Variants in NTN4 observed in about 807,000 individuals in gnomAD.
NTN4 encodes netrin 4.
Under a neutral mutation model 73.6 loss-of-function variants are expected in NTN4, and 32 were observed. That is an observed-to-expected ratio of 0.44 (90% CI 0.33 to 0.58). The LOEUF is 0.58. NTN4 is among the 20% of genes least tolerant of loss of function. The pLI, the probability that NTN4 is intolerant of heterozygous loss-of-function variation, is 0.04. For synonymous variants in NTN4, 258 were observed against 287.5 expected (o/e 0.90, Z 1.04); for missense variants, 654 against 798.3 (o/e 0.82, Z 2.18).
At chr12:95,695,057 G>A (rs2078430660) in intron 5 of NTN4, among the ~76,000 whole-genome samples, 2 of 152,010 alleles carry the variant, frequency 1.3e-5, no homozygotes, top group African/African-American at 2.4e-5. Context: ...GAACCTGGGA[G>A]GTGAAGGTTG....
At chr12:95,660,747 C>T (rs1001752105) in intron 9 of NTN4, among the ~76,000 whole-genome samples, 10 of 151,920 alleles carry the variant, frequency 6.6e-5, no homozygotes, top group Non-Finnish European at 8.8e-5. Context: ...CTTTTAAAAA[C>T]GAAATTAAGT....
chr12:95,696,776 A>C (rs2078445515), intron 5 of NTN4, among the ~76,000 whole-genome samples: 1 of 152,194 alleles, frequency 6.6e-6, no homozygotes, highest in Non-Finnish European at 1.5e-5. Context: ...GGTAAACTCA[A>C]ATGGTCAAAA....
intron 2 of NTN4, among the ~76,000 whole-genome samples, chr12:95,742,417 T>C (rs2078833439): frequency 6.6e-6 from 1 of 150,506 alleles, no homozygotes; most frequent in East Asian, 1.9e-4. Context: ...GAGATGAAAA[T>C]TTAAACAGAG....
chr12:95,742,128 A>G (rs1407599814), intron 2 of NTN4, among the ~76,000 whole-genome samples: 3 of 152,090 alleles, frequency 2.0e-5, no homozygotes, highest in African/African-American at 7.2e-5. Flanking sequence ...AATCCATACA[A>G]AGTCCTGAAC....
At chr12:95,713,573 A>T (rs76801332) in intron 3 of NTN4, among the ~76,000 whole-genome samples, 216 of 152,372 alleles carry the variant, frequency 1.4e-3, no homozygotes, top group African/African-American at 5.0e-3. Context: ...ATGACCCTAT[A>T]GAGCAATTCT....
chr12:95,679,005 G>C (rs1258504025), intron 7 of NTN4, among the ~76,000 whole-genome samples: 2 of 152,146 alleles, frequency 1.3e-5, no homozygotes, highest in Non-Finnish European at 2.9e-5. Context: ...TTGGAGAAAA[G>C]TGACAAATGC....
chr12:95,684,461 G>A (rs773429908), intron 5 of NTN4, among the ~76,000 whole-genome samples: 1 of 151,014 alleles, frequency 6.6e-6, no homozygotes, highest in South Asian at 2.1e-4. Context: ...ATCATACCTG[G>A]CTACTTAAAA....
At chr12:95,788,974 G>A (rs2079188415) in intron 1 of NTN4, among the ~76,000 whole-genome samples, 1 of 152,174 alleles carries the variant, frequency 6.6e-6, no homozygotes, top group Non-Finnish European at 1.5e-5. Context: ...AATATGGTTT[G>A]AGAAGGAAAA....
At chr12:95,674,786 C>G (rs1481407686) in intron 7 of NTN4, among the ~76,000 whole-genome samples, 4 of 152,188 alleles carry the variant, frequency 2.6e-5, no homozygotes, top group African/African-American at 9.6e-5. Flanking sequence ...TCAATAAAGT[C>G]TTCCTCAATC....
Position 95,683,538 on chromosome 12 carries a change from C to G in NTN4, c.1354G>C (p.Ala452Pro), listed in dbSNP as rs1296496369. 1 of 1,614,210 alleles carries G rather than the reference C, an allele frequency of 6.2e-7. No homozygotes were observed. The highest frequency in any genetic ancestry group is 8.5e-7 in the Non-Finnish European group (1 of 1,180,040). ...CCGGTGATAGGGTCACAGCTCCCCG[C>G]ACAGTCACATGGTCGACAGCCATAG... ...GDYGCRPCDCAGSCDPITGDC... is the reference protein window; with the variant it reads ...GDYGCRPCDCPGSCDPITGDC... Residue 452 changes from alanine to proline, a missense_variant, in exon 6 of 10, where the codon GCG (alanine) becomes CCG (proline). By Grantham distance (27) the Ala-to-Pro change is conservative. Transcript: ENST00000343702.
chr12:95,682,969 C>T (rs949815187), intron 6 of NTN4, 147 bp from the exon 7 acceptor site: 4 of 528,248 alleles, frequency 7.6e-6, no homozygotes, highest in Non-Finnish European at 1.3e-5. Flanking sequence ...ATTGTGAAGA[C>T]AATAATTATT....
At chr12:95,683,744 C>T in intron 5 of NTN4, 33 bp from the exon 6 acceptor site, 2 of 1,528,136 alleles carry the variant, frequency 1.3e-6, no homozygotes, top group Non-Finnish European at 1.8e-6. Context: ...GGATCAAAGA[C>T]TGACTGTAGA....
chr12:95,760,680 CTTTTT>C (rs11308260), intron 2 of NTN4, among the ~76,000 whole-genome samples: 1 of 130,790 alleles, frequency 7.6e-6, no homozygotes, highest in Non-Finnish European at 1.6e-5. Flanking sequence ...ATTGTATCAT[CTTTTT>C]TTTTTTTTTT....
At chr12:95,676,220 T>C (rs1183573371) in intron 7 of NTN4, among the ~76,000 whole-genome samples, 2 of 151,960 alleles carry the variant, frequency 1.3e-5, no homozygotes, top group Admixed American at 1.3e-4. Context: ...TCTCCTGCCT[T>C]AGCCTCCCAA....
chr12:95,671,561 C>T (rs150418357), intron 7 of NTN4, among the ~76,000 whole-genome samples: 11 of 152,274 alleles, frequency 7.2e-5, no homozygotes, highest in Non-Finnish European at 1.3e-4. Flanking sequence ...AGGTTGTGCT[C>T]TCCTTATGAG....
At chr12:95,759,165 T>C (rs1455459187) in intron 2 of NTN4, among the ~76,000 whole-genome samples, 1 of 152,216 alleles carries the variant, frequency 6.6e-6, no homozygotes, top group Non-Finnish European at 1.5e-5. Flanking sequence ...TTGTTTGATG[T>C]GCTTTTCTTT....
rs1306697302 is a variant in NTN4, at chr12:95,708,720, T to C, written c.1180+1721A>G. Among the ~76,000 whole-genome samples the C allele has an allele frequency of 2.0e-5, 3 of 152,162 alleles. No homozygotes were observed. In the East Asian group the frequency reaches 5.8e-4, roughly 29 times the overall value. On this transcript the variant is annotated intron_variant, in intron 5 of 9. Transcript: ENST00000343702. ...CACCCCACCTGGCGTAGTTTTCGTT[T>C]CTTGAGGGCTTATTCTATGACAGGC...
intron 8 of NTN4, 22 bp downstream of exon 8, chr12:95,670,056 C>T: frequency 6.7e-7 from 1 of 1,482,192 alleles, no homozygotes; most frequent in South Asian, 1.3e-5. Flanking sequence ...TTCTCAGAAG[C>T]ATTCAAGGAT....
At chr12:95,665,719 G>A (rs921038231) in intron 9 of NTN4, 91 bp downstream of exon 9, 1 of 965,872 alleles carries the variant, frequency 1.0e-6, no homozygotes, top group Middle Eastern at 2.2e-4. Flanking sequence ...TTCTTGCTGA[G>A]TTTGTTTATG....
Sources: gnomAD v4.1 joint callset for allele counts (sites outside exome capture counted in the v4.1 genomes callset) on GRCh38, gnomAD v4.1.1 for gene constraint, MANE v1.5 for transcripts, NCBI Gene and HGNC (gene_info 2026-07-23, HGNC 2026-07-21) for gene names.